LY75: variants seen among roughly 807,000 people sequenced by gnomAD.
LY75 encodes the protein lymphocyte antigen 75.
In LY75, 185 loss-of-function variants were observed where a neutral mutation model predicts 231.7. The ratio of observed to expected loss-of-function variants is 0.80; its 90% CI spans 0.71 to 0.90. LY75 has a LOEUF of 0.90. Ranked by LOEUF, LY75 falls within the 40% of genes least tolerant of loss-of-function variation. LY75 has a pLI of 0.00. For missense variants in LY75, 1,947 were observed against 2,050.2 expected (o/e 0.95, Z 0.97); for synonymous variants, 668 against 689.0 (o/e 0.97, Z 0.48).
chr2:159,850,538 T>C, intron 21 of LY75, 71 bp from the exon 22 acceptor site: 1 of 1,588,320 alleles, frequency 6.3e-7, no homozygotes. Context: ...GTAAAATGCT[T>C]CATCTTTTAG....
chr2:159,871,461 A>G (rs1685009710), intron 13 of LY75, among the ~76,000 whole-genome samples: 4 of 152,066 alleles, frequency 2.6e-5, no homozygotes, highest in Admixed American at 1.3e-4. Flanking sequence ...AATTTTTAAA[A>G]TTAAAAAATT....
In LY75 at chr2:159,817,015, ATTC is replaced by A. The variant is rs1348006608; in HGVS notation, c.4168_4170del (p.Glu1390del). ...ATAAACTGTGGCAGTGTAGTATTAT[ATTC>A]TTCTTTGTAGTCAACTATAATAATT... On this transcript the variant is annotated inframe_deletion, in exon 30 of 35. Transcript: ENST00000263636. 1 of 1,610,272 alleles carries A rather than the reference ATTC, an allele frequency of 6.2e-7. No individual in the cohort carries two copies. Among genetic ancestry groups the A allele is most frequent in the Non-Finnish European group, 8.5e-7 (1 of 1,178,180 alleles).
chr2:159,867,567 A>G (rs531928095), intron 13 of LY75, among the ~76,000 whole-genome samples: 1 of 152,336 alleles, frequency 6.6e-6, no homozygotes, highest in Non-Finnish European at 1.5e-5. Flanking sequence ...TAAAAGGTTA[A>G]TATGTGTAAT....
chr2:159,842,455 T>C (rs1684066645), intron 23 of LY75, 81 bp from the exon 24 acceptor site: 2 of 1,446,398 alleles, frequency 1.4e-6, no homozygotes, highest in Non-Finnish European at 1.8e-6. Flanking sequence ...AGATTCTAGA[T>C]TGAATTTGTC....
intron 5 of LY75, among the ~76,000 whole-genome samples, chr2:159,886,209 A>C (rs566824436): frequency 6.6e-6 from 1 of 152,262 alleles, no homozygotes; most frequent in East Asian, 1.9e-4. Context: ...AAAGGTCTAG[A>C]GGTTCAAATG....
At chr2:159,867,380 A>C (rs1337121211) in intron 13 of LY75, among the ~76,000 whole-genome samples, 2 of 152,154 alleles carry the variant, frequency 1.3e-5, no homozygotes, top group Non-Finnish European at 2.9e-5. Context: ...ATTGGATATC[A>C]CATTGATCAT....
intron 13 of LY75, among the ~76,000 whole-genome samples, chr2:159,867,513 C>CT (rs1352237526): frequency 6.6e-6 from 1 of 152,092 alleles, no homozygotes. Context: ...ACTCCAAGCA[C>CT]TAAGTATATG....
At chr2:159,807,938 A>C in intron 33 of LY75, 2 of 972,144 alleles carry the variant, frequency 2.1e-6, no homozygotes, top group Non-Finnish European at 2.4e-6. Context: ...CAAAAGCTGC[A>C]ATTACTTTCA....
intron 8 of LY75, among the ~76,000 whole-genome samples, chr2:159,880,137 CT>C (rs1283828566): frequency 1.3e-5 from 2 of 152,180 alleles, no homozygotes; most frequent in African/African-American, 4.8e-5. Flanking sequence ...ATTGCTTCCA[CT>C]TAAGTCTCTT....
chr2:159,834,936 G>A (rs1257823569), intron 26 of LY75, among the ~76,000 whole-genome samples: 1 of 152,164 alleles, frequency 6.6e-6, no homozygotes, highest in Non-Finnish European at 1.5e-5. Context: ...TCCTCTGACT[G>A]GGCTAGAGAC....
At chr2:159,872,614 A>G (rs200692150) in intron 12 of LY75, 21 bp from the exon 13 acceptor site, 843 of 1,604,824 alleles carry the variant, frequency 5.3e-4, no homozygotes, top group Non-Finnish European at 6.8e-4. Flanking sequence ...TATAATATTA[A>G]TTTGTTTTAT....
At position 159,831,711 on chromosome 2, in the gene LY75, T is replaced by C. The variant is rs1314760204; in HGVS notation, c.3917A>G (p.Asn1306Ser). 13 of 1,612,674 alleles carry C rather than the reference T, an allele frequency of 8.1e-6. No homozygotes were observed. Among genetic ancestry groups the C allele is most frequent in the East Asian group, 2.2e-5 (1 of 44,740 alleles). ...NFVLEQLLYF[N>S]YMASWVMLGI... ...TAACATGACCCATGAAGCCATATAATTGAAGTACAGCAGTTGCTCAAGAAC... is the reference window on the plus strand; with the variant it reads ...TAACATGACCCATGAAGCCATATAACTGAAGTACAGCAGTTGCTCAAGAAC... The change falls in exon 28 of 35, where the codon AAT (asparagine) becomes AGT (serine). Residue 1306 changes from asparagine (N) to serine (S), a missense_variant. Coordinates refer to ENST00000263636, the MANE Select transcript of LY75 (RefSeq NM_002349.4).
In LY75 at chr2:159,878,620, CT is replaced by C; in HGVS notation, c.1604+12del. ...TTGAAAGTTTATGAGTACAAGTTTA[CT>C]GATGGTCACACCTGCTAGTGATAGT... On this transcript the variant is annotated intron_variant, in intron 10 of 34. Coordinates refer to ENST00000263636, the MANE Select transcript of LY75 (RefSeq NM_002349.4). 4 of 1,613,940 alleles carry C rather than the reference CT, an allele frequency of 2.5e-6. No homozygotes were observed. The highest frequency in any genetic ancestry group is 3.4e-6 in the Non-Finnish European group (4 of 1,179,930).
chr2:159,850,789 T>TATATATAA (rs1553805700), intron 21 of LY75, among the ~76,000 whole-genome samples: 1 of 88,656 alleles, frequency 1.1e-5, no homozygotes, highest in Non-Finnish European at 2.6e-5. Flanking sequence ...TATATATATA[T>TATATATAA]ATATATATAT....
chr2:159,883,169 A>C (rs1343065658), intron 6 of LY75, among the ~76,000 whole-genome samples: 1 of 150,598 alleles, frequency 6.6e-6, no homozygotes, highest in Non-Finnish European at 1.5e-5. Flanking sequence ...ATTGGGAGAT[A>C]TACCTAATGC....
At chr2:159,861,958 C>T (rs1212084357) in intron 14 of LY75, among the ~76,000 whole-genome samples, 1 of 151,898 alleles carries the variant, frequency 6.6e-6, no homozygotes, top group Admixed American at 6.6e-5. Flanking sequence ...AGTTTGAGAC[C>T]AGCCTGGGCA....
intron 34 of LY75, 63 bp downstream of exon 34, chr2:159,806,910 G>A: frequency 1.3e-6 from 2 of 1,523,126 alleles, no homozygotes; most frequent in Non-Finnish European, 1.8e-6. Flanking sequence ...TACATAATTG[G>A]ATTGTACATT....
intron 31 of LY75, among the ~76,000 whole-genome samples, chr2:159,811,249 A>C (rs1682952618): frequency 6.6e-6 from 1 of 152,098 alleles, no homozygotes; most frequent in Admixed American, 6.5e-5. Flanking sequence ...CTATTTTTTA[A>C]AAATAGCTAA....
chr2:159,899,676 A>G (rs1409819581), intron 1 of LY75, among the ~76,000 whole-genome samples: 1 of 152,228 alleles, frequency 6.6e-6, no homozygotes, highest in Non-Finnish European at 1.5e-5. Context: ...TAGTGGGGCC[A>G]CTAAAAAGGA....
Sources: allele counts gnomAD v4.1 joint callset (sites outside exome capture counted in the v4.1 genomes callset), GRCh38; gene constraint gnomAD v4.1.1; transcripts MANE v1.5; gene names NCBI Gene and HGNC (gene_info 2026-07-23, HGNC 2026-07-21).